NECTIN2: variants seen among roughly 807,000 people sequenced by gnomAD.
NECTIN2 encodes nectin cell adhesion molecule 2, also known as nectin-2.
NECTIN2 carries 23 observed loss-of-function variants against 56.9 expected under a neutral mutation model. The observed-to-expected ratio is 0.40, with a 90% CI of 0.29 to 0.57. The LOEUF (loss-of-function observed/expected upper bound fraction) is 0.57. Among genes scored for constraint, NECTIN2 ranks in the 20% least tolerant of loss-of-function variants. NECTIN2 has a pLI of 0.38. For missense variants in NECTIN2, 587 were observed against 718.3 expected (o/e 0.82, Z 2.09); for synonymous variants, 302 against 313.8 (o/e 0.96, Z 0.40).
At position 44,879,395 on chromosome 19, in the gene NECTIN2, T is replaced by A. The variant is rs546828418; in HGVS notation, c.1043-2816T>A. 1.8e-3 allele frequency among the ~76,000 whole-genome samples: 268 copies of A among 151,526 alleles called. 1 individual carries two copies. The highest frequency in any genetic ancestry group is 6.3e-3 in the African/African-American group (261 of 41,264). On this transcript the variant is annotated intron_variant, in intron 5 of 8. Transcript: ENST00000252483. ...ATCCAGTGGAGCCTCAGACCTCAAC[T>A]CCCCCAGGTTGCTGGGGGTCTCGGG...
chr19:44,869,340 C>A (rs2122677209), intron 2 of NECTIN2, among the ~76,000 whole-genome samples: 2 of 152,176 alleles, frequency 1.3e-5, no homozygotes, highest in Middle Eastern at 3.4e-3. Flanking sequence ...CGCCTGTAAT[C>A]CCAGCACTTT....
At chr19:44,882,138 T>G (rs1599927187) in intron 5 of NECTIN2, 73 bp from the exon 6 acceptor site, 4 of 1,286,488 alleles carry the variant, frequency 3.1e-6, no homozygotes, top group East Asian at 5.8e-5. Context: ...TGATGTGGGG[T>G]GGGATGGTCG....
At chr19:44,853,093 G>A (rs1968919957) in intron 1 of NECTIN2, among the ~76,000 whole-genome samples, 2 of 150,632 alleles carry the variant, frequency 1.3e-5, no homozygotes, top group South Asian at 2.1e-4. Context: ...GCAACGGAGT[G>A]AGATCCTATC....
chr19:44,872,550 C>A lies in NECTIN2; in HGVS notation c.775+401C>A, dbSNP rs1006955953. 2.0e-5 allele frequency among the ~76,000 whole-genome samples: 3 copies of A among 152,206 alleles called. No homozygotes were observed. The South Asian group carries it at 6.2e-4, about 32-fold the overall frequency. On this transcript the variant is annotated intron_variant, in intron 3 of 8. Transcript: ENST00000252483. ...ATTCCCCAGAGAGTTGGTTTACCAG[C>A]AAAGAGCTGCCCCCAACAGTGTCTT...
At chr19:44,886,637 G>A (rs1228436650) in intron 8 of NECTIN2, among the ~76,000 whole-genome samples, 1 of 152,106 alleles carries the variant, frequency 6.6e-6, no homozygotes. Context: ...AGGAAGAATC[G>A]CCTGAACCCA....
At chr19:44,851,172 C>T (rs1968895126) in intron 1 of NECTIN2, among the ~76,000 whole-genome samples, 1 of 151,656 alleles carries the variant, frequency 6.6e-6, no homozygotes, top group East Asian at 1.9e-4. Context: ...GCCCCCATCC[C>T]TGCTCTCTCA....
chr19:44,863,841 C>A (rs80031743), intron 1 of NECTIN2, among the ~76,000 whole-genome samples: 254 of 132,466 alleles, frequency 1.9e-3, no homozygotes, highest in East Asian at 2.2e-3. Context: ...GACTCAGTCT[C>A]AAAAAAAAAA....
rs758204636 is a variant in NECTIN2, at chr19:44,872,121, C to T, written c.747C>T (p.Ala249=). 1 of 1,614,184 alleles carries T rather than the reference C, an allele frequency of 6.2e-7. No homozygotes were observed. The highest frequency in any genetic ancestry group is 8.5e-7 in the Non-Finnish European group (1 of 1,180,024). ...AGCATGAGAGCTTCGAGGAACCAGCCCTGATACCTGTGACCCTCTCTGTAC... is the reference window on the plus strand; with the variant it reads ...AGCATGAGAGCTTCGAGGAACCAGCTCTGATACCTGTGACCCTCTCTGTAC... ...KVEHESFEEP[A]LIPVTLSVRY... The change falls in exon 3 of 9, where the codon GCC becomes GCT. Residue 249 remains alanine (A), a synonymous_variant. Coordinates refer to ENST00000252483, the MANE Select transcript of NECTIN2 (RefSeq NM_001042724.2).
intron 1 of NECTIN2, among the ~76,000 whole-genome samples, chr19:44,849,719 G>C (rs1044113938): frequency 2.0e-5 from 3 of 152,138 alleles, no homozygotes; most frequent in African/African-American, 7.2e-5. Flanking sequence ...TGTGAGAAGA[G>C]AACCCCAGGA....
In NECTIN2 at chr19:44,873,939, G is replaced by C; in HGVS notation, c.799G>C (p.Gly267Arg). 6.2e-7 allele frequency: 1 copy of C among 1,613,972 alleles called. No homozygotes were observed. The highest frequency in any genetic ancestry group is 8.5e-7 in the Non-Finnish European group (1 of 1,179,906). Reference sequence around the variant, plus strand: ...AGACCCTCCTGAAGTGTCCATCTCCGGCTATGATGACAACTGGTACCTCGG... The same window carrying C: ...AGACCCTCCTGAAGTGTCCATCTCCCGCTATGATGACAACTGGTACCTCGG... ...VRYPPEVSIS[G>R]YDDNWYLGRT... Residue 267 changes from glycine to arginine, a missense_variant, in exon 4 of 9, where the codon GGC becomes CGC. Transcript: ENST00000252483.
At chr19:44,877,486 T>C (rs1969252956) in intron 5 of NECTIN2, among the ~76,000 whole-genome samples, 1 of 152,094 alleles carries the variant, frequency 6.6e-6, no homozygotes, top group South Asian at 2.1e-4. Context: ...ACTAAGGAAG[T>C]CCCACTGTCC....
rs944303688 is a variant in NECTIN2, at chr19:44,865,957, G to C, written c.478+297G>C. ...GAAGGCCGAGATGGGCAGATCGCCT[G>C]AGGTCAGGAGTTCAAGACCAGCCTG... On this transcript the variant is annotated intron_variant, in intron 2 of 8. Coordinates refer to ENST00000252483, the MANE Select transcript of NECTIN2 (RefSeq NM_001042724.2). This position sits in a 1 kb window ranked among gnomAD's most constrained non-coding sequence, Gnocchi z 5.2. Among the ~76,000 whole-genome samples the C allele has an allele frequency of 6.6e-6, 1 of 152,170 alleles. No homozygotes were observed. The highest frequency in any genetic ancestry group is 2.4e-5 in the African/African-American group (1 of 41,450).
chr19:44,852,798 GA>G (rs921184752), intron 1 of NECTIN2, among the ~76,000 whole-genome samples: 2 of 152,066 alleles, frequency 1.3e-5, no homozygotes, highest in African/African-American at 4.8e-5. Flanking sequence ...AGAAAGAGGT[GA>G]AAATGCCTTA....
intron 8 of NECTIN2, among the ~76,000 whole-genome samples, chr19:44,887,100 A>T (rs1969369858): frequency 6.6e-6 from 1 of 152,122 alleles, no homozygotes; most frequent in South Asian, 2.1e-4. Flanking sequence ...CTGTAATCCC[A>T]GCACTTTGGG....
chr19:44,869,605 A>G (rs1249525737), intron 2 of NECTIN2, among the ~76,000 whole-genome samples: 9 of 144,400 alleles, frequency 6.2e-5, no homozygotes, highest in African/African-American at 2.5e-4. Context: ...AAAAAAAAAA[A>G]AAAAGAAAAG....
At chr19:44,882,399 G>A in intron 6 of NECTIN2, 35 bp downstream of exon 6, 1 of 1,360,086 alleles carries the variant, frequency 7.4e-7, no homozygotes, top group African/African-American at 1.5e-5. Flanking sequence ...GATGGGAGAG[G>A]GGTCGAAGAA....
chr19:44,854,509 T>C (rs1174721966), intron 1 of NECTIN2, among the ~76,000 whole-genome samples: 1 of 152,166 alleles, frequency 6.6e-6, no homozygotes, highest in Non-Finnish European at 1.5e-5. Flanking sequence ...GGACTGCTCC[T>C]TAAGTCAAGA....
intron 5 of NECTIN2, among the ~76,000 whole-genome samples, chr19:44,881,591 G>A (rs1053054677): frequency 2.0e-5 from 3 of 152,076 alleles, no homozygotes; most frequent in African/African-American, 7.2e-5. Flanking sequence ...GGAGGGTGAG[G>A]TGGGAGGATC....
chr19:44,850,371 A>G (rs1412798532), intron 1 of NECTIN2, among the ~76,000 whole-genome samples: 2 of 152,132 alleles, frequency 1.3e-5, no homozygotes, highest in African/African-American at 4.8e-5. Context: ...GAAGCCAGGC[A>G]TGGTGACTCA....
Sources: allele counts gnomAD v4.1 joint callset (sites outside exome capture counted in the v4.1 genomes callset), GRCh38; gene constraint gnomAD v4.1.1; non-coding constraint Gnocchi (gnomAD v3.1); transcripts MANE v1.5; gene names NCBI Gene and HGNC (gene_info 2026-07-23, HGNC 2026-07-21).